Variants in SEMA6D observed in about 807,000 individuals in gnomAD.
The protein encoded by SEMA6D is semaphorin-6D.
SEMA6D carries 35 observed loss-of-function variants against 106.6 expected under a neutral mutation model. The observed-to-expected ratio is 0.33, with a 90% CI of 0.25 to 0.44. The LOEUF is 0.44. SEMA6D is among the 20% of genes least tolerant of loss of function. The pLI is 1.00. For synonymous variants in SEMA6D, 499 were observed against 487.7 expected, an observed-to-expected ratio of 1.02 and a Z score of -0.31; for missense variants, 1,185 against 1,345.9, an observed-to-expected ratio of 0.88 and a Z score of 1.87.
chr15:47,185,326 A>T (rs1317317282), intron 1 of SEMA6D, among the ~76,000 whole-genome samples: 1 of 152,206 alleles, frequency 6.6e-6, no homozygotes, highest in Non-Finnish European at 1.5e-5. Context: ...ACTCTAATTC[A>T]CAGAGACAGC....
intron 3 of SEMA6D, among the ~76,000 whole-genome samples, chr15:47,586,902 T>TTG: frequency 1.3e-5 from 2 of 151,308 alleles, no homozygotes; most frequent in Middle Eastern, 6.8e-3. Flanking sequence ...TTTTTTTTTT[T>TTG]TTTTTACAAG....
rs991705678 is a variant in SEMA6D, at chr15:47,370,225, A to G, written c.-238-42168A>G. On this transcript the variant is annotated intron_variant, in intron 1 of 19. Coordinates refer to the SEMA6D transcript ENST00000558014. ...AGAAAAGTAGGGAGAAATTTTCATA[A>G]ATTAAAGGGTAGTGATCTGTGGTTC... 7.2e-5 allele frequency among the ~76,000 whole-genome samples: 11 copies of G among 152,168 alleles called. No homozygotes were observed. In the South Asian group the frequency reaches 1.0e-3, roughly 14 times the overall value.
At chr15:47,530,667 A>T (rs1004046893) in intron 3 of SEMA6D, among the ~76,000 whole-genome samples, 2 of 152,200 alleles carry the variant, frequency 1.3e-5, no homozygotes, top group Non-Finnish European at 2.9e-5. Flanking sequence ...TGATTTTAAG[A>T]TCAAAGCTTT....
intron 1 of SEMA6D, among the ~76,000 whole-genome samples, chr15:47,733,539 A>G (rs1596855995): frequency 6.6e-6 from 1 of 151,976 alleles, no homozygotes; most frequent in Non-Finnish European, 1.5e-5. Flanking sequence ...GAAAGCAATA[A>G]CCCTTGCTTC....
chr15:47,485,295 T>C (rs527482970), intron 3 of SEMA6D, among the ~76,000 whole-genome samples: 1 of 152,018 alleles, frequency 6.6e-6, no homozygotes, highest in South Asian at 2.1e-4. Flanking sequence ...CCAACTAATA[T>C]AGTTTTGGTC....
chr15:47,231,073 G>T (rs2032160234), intron 1 of SEMA6D, among the ~76,000 whole-genome samples: 1 of 151,800 alleles, frequency 6.6e-6, no homozygotes, highest in Admixed American at 6.6e-5. Flanking sequence ...AAAAGGCCTG[G>T]CCATTCGTCT....
intron 4 of SEMA6D, among the ~76,000 whole-genome samples, chr15:47,684,448 TTA>T (rs1482995384): frequency 4.6e-5 from 7 of 152,048 alleles, no homozygotes; most frequent in African/African-American, 1.7e-4. Flanking sequence ...ATTTTATCTT[TTA>T]AAAAGGTTGA....
At chr15:47,366,958 G>C (rs527947886) in intron 1 of SEMA6D, among the ~76,000 whole-genome samples, 2 of 152,226 alleles carry the variant, frequency 1.3e-5, no homozygotes, top group Non-Finnish European at 2.9e-5. Flanking sequence ...ATAAGGCTCT[G>C]TCTTGCTTGT....
intron 2 of SEMA6D, among the ~76,000 whole-genome samples, chr15:47,446,802 G>A (rs1159045245): frequency 3.3e-5 from 5 of 152,136 alleles, no homozygotes; most frequent in Admixed American, 3.3e-4. Flanking sequence ...CATGAAAGCT[G>A]TAAATGGGAA....
At chr15:47,483,409 C>T (rs1018071173) in intron 3 of SEMA6D, among the ~76,000 whole-genome samples, 1 of 152,088 alleles carries the variant, frequency 6.6e-6, no homozygotes, top group Non-Finnish European at 1.5e-5. Flanking sequence ...GAACATTTGG[C>T]TCATTGGAGT....
intron 1 of SEMA6D, among the ~76,000 whole-genome samples, chr15:47,345,926 A>G (rs1595782235): frequency 6.6e-6 from 1 of 152,172 alleles, no homozygotes; most frequent in African/African-American, 2.4e-5. Context: ...GTATACACAT[A>G]TGCCTAAATT....
intron 17 of SEMA6D, among the ~76,000 whole-genome samples, chr15:47,767,994 C>G (rs538954276): frequency 3.3e-5 from 5 of 152,216 alleles, no homozygotes; most frequent in South Asian, 4.1e-4. Context: ...AAAGTCTGTC[C>G]CCTCCTTCGT....
chr15:47,744,648 C>G (rs551000034), intron 1 of SEMA6D, among the ~76,000 whole-genome samples: 3 of 152,190 alleles, frequency 2.0e-5, no homozygotes, highest in Admixed American at 6.5e-5. Context: ...CCAGTGGAGG[C>G]TCGGTCCCTG....
At chr15:47,637,143 G>A (rs2077403929) in intron 4 of SEMA6D, among the ~76,000 whole-genome samples, 1 of 152,164 alleles carries the variant, frequency 6.6e-6, no homozygotes, top group Admixed American at 6.6e-5. Context: ...AAAATAAAAT[G>A]TCTGCTTTGA....
At chr15:47,475,700 A>G (rs1156470381) in intron 3 of SEMA6D, among the ~76,000 whole-genome samples, 1 of 152,220 alleles carries the variant, frequency 6.6e-6, no homozygotes, top group Non-Finnish European at 1.5e-5. Context: ...GTCAGATCTT[A>G]TTAGATAACT....
chr15:47,685,288 A>G (rs2078444845), intron 4 of SEMA6D, among the ~76,000 whole-genome samples: 1 of 152,220 alleles, frequency 6.6e-6, no homozygotes, highest in South Asian at 2.1e-4. Flanking sequence ...CCTGAGGCAA[A>G]TGCTTTCACA....
intron 11 of SEMA6D, 111 bp downstream of exon 11, chr15:47,764,416 C>G: frequency 4.4e-6 from 6 of 1,355,142 alleles, no homozygotes; most frequent in Non-Finnish European, 6.0e-6. Context: ...GAAGGGGTCC[C>G]TCTCTCAGAC....
chr15:47,669,920 G>T (rs960661682), intron 4 of SEMA6D, among the ~76,000 whole-genome samples: 2 of 152,188 alleles, frequency 1.3e-5, no homozygotes, highest in Admixed American at 1.3e-4. Context: ...GAAATTGTGA[G>T]GTTTTGATAA....
At chr15:47,204,023 G>T (rs1343713110) in intron 1 of SEMA6D, among the ~76,000 whole-genome samples, 1 of 152,144 alleles carries the variant, frequency 6.6e-6, no homozygotes, top group African/African-American at 2.4e-5. Context: ...CCTTTGACTT[G>T]AGAAGAGAGT....
Sources: allele counts gnomAD v4.1 joint callset (sites outside exome capture counted in the v4.1 genomes callset), GRCh38; gene constraint gnomAD v4.1.1; transcripts MANE v1.5; gene names NCBI Gene and HGNC (gene_info 2026-07-23, HGNC 2026-07-21).